Variants in GRIN2B observed in about 807,000 individuals in gnomAD.
GRIN2B encodes the protein glutamate receptor ionotropic, NMDA 2B.
Under a neutral mutation model 114.5 loss-of-function variants are expected in GRIN2B, and 5 were observed. The observed-to-expected ratio is 0.04, with a 90% CI of 0.02 to 0.09. The LOEUF (loss-of-function observed/expected upper bound fraction) is 0.09, where lower values mean the gene tolerates loss of function less well. Ranked by LOEUF, GRIN2B falls within the 10% of genes least tolerant of loss-of-function variation. GRIN2B has a pLI of 1.00. For missense variants in GRIN2B, 1,108 were observed against 1,943.5 expected (o/e 0.57, Z 8.08); for synonymous variants, 787 against 745.1 (o/e 1.06, Z -0.92).
chr12:13,867,910 G>A lies in GRIN2B; in HGVS notation c.-18-1684C>T, dbSNP rs1250282064. 4.1e-5 allele frequency among the ~76,000 whole-genome samples: 6 copies of A among 147,552 alleles called. No individual in the cohort carries two copies. In the South Asian group the frequency reaches 1.3e-3, roughly 32 times the overall value. On this transcript the variant is annotated intron_variant, in intron 2 of 13. Transcript: ENST00000609686. Reference sequence around the variant, plus strand: ...TGCTTGTTTCAAAAAAAAAAAAAATGGTGAGAGATTAAAAATCTAAAAGTG... The same window carrying A: ...TGCTTGTTTCAAAAAAAAAAAAAATAGTGAGAGATTAAAAATCTAAAAGTG...
intron 4 of GRIN2B, among the ~76,000 whole-genome samples, chr12:13,723,220 A>G (rs1285450162): frequency 6.6e-6 from 1 of 151,934 alleles, no homozygotes; most frequent in Admixed American, 6.6e-5. Context: ...TACACGTGCC[A>G]TGGTGGTTTG....
intron 3 of GRIN2B, among the ~76,000 whole-genome samples, chr12:13,767,173 T>A (rs574420749): frequency 2.3e-3 from 331 of 145,778 alleles, no homozygotes; most frequent in African/African-American, 7.9e-3. Flanking sequence ...GGCAGGAGAA[T>A]GGCGTGAGGC....
rs75707831 is a variant in GRIN2B, at chr12:13,839,506, T to C, written c.411+26292A>G. On this transcript the variant is annotated intron_variant, in intron 3 of 13. Coordinates refer to ENST00000609686, the MANE Select transcript of GRIN2B (RefSeq NM_000834.5). ...CCAGAATATGAACAATACCTAATGATTGTGCAGTGCTTATAGCTCAACGAA... is the reference window on the plus strand; with the variant it reads ...CCAGAATATGAACAATACCTAATGACTGTGCAGTGCTTATAGCTCAACGAA... 7.7e-3 allele frequency among the ~76,000 whole-genome samples: 1,180 copies of C among 152,332 alleles called. 39 individuals are homozygous for C. The East Asian group carries it at 0.096, about 12-fold the overall frequency.
At chr12:13,890,538 C>CTGGT (rs1866240935) in intron 2 of GRIN2B, among the ~76,000 whole-genome samples, 1 of 152,120 alleles carries the variant, frequency 6.6e-6, no homozygotes, top group Admixed American at 6.5e-5. Context: ...TGGCAGCAAT[C>CTGGT]TGGTTGGAGA....
At chr12:13,797,308 A>G (rs1459730931) in intron 3 of GRIN2B, among the ~76,000 whole-genome samples, 2 of 152,116 alleles carry the variant, frequency 1.3e-5, no homozygotes, top group Non-Finnish European at 2.9e-5. Context: ...ATCACCTCCC[A>G]AATTCCCCAC....
chr12:13,864,333 G>A (rs1865791492), intron 3 of GRIN2B, among the ~76,000 whole-genome samples: 1 of 152,148 alleles, frequency 6.6e-6, no homozygotes, highest in Non-Finnish European at 1.5e-5. Context: ...CACTGCGGAG[G>A]TTGTCAACTA....
chr12:13,675,739 T>G lies in GRIN2B; in HGVS notation c.1125+6A>C, dbSNP rs1565496490. ...TTGCTCAAGAATTGTCAAAGACATG[T>G]CTTACCCTTTCCCACTTCCTCTCCT... On this transcript the variant is annotated splice_donor_region_variant and intron_variant, in intron 5 of 13. Coordinates refer to ENST00000609686, the MANE Select transcript of GRIN2B (RefSeq NM_000834.5). 6.5e-7 allele frequency: 1 copy of G among 1,531,120 alleles called. No homozygotes were observed. Among genetic ancestry groups the G allele is most frequent in the South Asian group, 1.1e-5 (1 of 89,402 alleles). 94.8% of individuals were successfully genotyped at this position (1,531,120 alleles called of 1,614,324 possible). A position where few individuals can be genotyped will look rare whatever the true frequency, so the allele number is the denominator to read the frequency against.
At chr12:13,826,613 A>G (rs995585233) in intron 3 of GRIN2B, among the ~76,000 whole-genome samples, 2 of 151,892 alleles carry the variant, frequency 1.3e-5, no homozygotes, top group African/African-American at 4.8e-5. Context: ...CAGCAGTTTT[A>G]TTTATAATGT....
intron 2 of GRIN2B, among the ~76,000 whole-genome samples, chr12:13,934,197 A>T (rs1309617468): frequency 2.6e-5 from 4 of 152,182 alleles, no homozygotes; most frequent in Non-Finnish European, 5.9e-5. Flanking sequence ...ACTCCTTGAC[A>T]ACCCATGCCT....
At chr12:13,887,420 AAAGTTTT>A (rs1866182237) in intron 2 of GRIN2B, among the ~76,000 whole-genome samples, 1 of 152,204 alleles carries the variant, frequency 6.6e-6, no homozygotes, top group South Asian at 2.1e-4. Context: ...ACAGGAAAAA[AAAGTTTT>A]CTCTATCCTC....
intron 2 of GRIN2B, among the ~76,000 whole-genome samples, chr12:13,949,128 G>A (rs1362950441): frequency 6.6e-6 from 1 of 152,148 alleles, no homozygotes; most frequent in Non-Finnish European, 1.5e-5. Context: ...AACCCTAAGA[G>A]TGCCCAGAGA....
In GRIN2B at chr12:13,855,049, GAAAAA is replaced by G. The variant is rs3082840; in HGVS notation, c.411+10744_411+10748del. 1.0e-3 allele frequency among the ~76,000 whole-genome samples: 90 copies of G among 88,010 alleles called. 1 individual carries two copies. Among genetic ancestry groups the G allele is most frequent in the Admixed American group, 2.0e-3 (16 of 8,018 alleles). The allele number at this position is 88,010 out of a possible 152,430, so 57.7% of individuals were successfully genotyped here. A position where few individuals can be genotyped will look rare whatever the true frequency, so the allele number is the denominator to read the frequency against. On this transcript the variant is annotated intron_variant, in intron 3 of 13. Transcript: ENST00000609686. ...AACATGGTGAAACCCCATCTCTACT[GAAAAA>G]AAAAAAAAAAAAAAATTGCCTGGCG... is the stretch of plus-strand genomic sequence containing the variant.
intron 2 of GRIN2B, among the ~76,000 whole-genome samples, chr12:13,923,387 A>G (rs552756773): frequency 6.6e-6 from 1 of 152,346 alleles, no homozygotes; most frequent in East Asian, 1.9e-4. Context: ...TAACCTTAGA[A>G]CTAAGGTGAA....
chr12:13,813,021 C>T (rs963628628), intron 3 of GRIN2B, among the ~76,000 whole-genome samples: 2 of 147,024 alleles, frequency 1.4e-5, no homozygotes, highest in African/African-American at 5.1e-5. Flanking sequence ...CTCACTACAA[C>T]CTCCGCCTCC....
intron 4 of GRIN2B, among the ~76,000 whole-genome samples, chr12:13,707,620 A>G (rs1016038216): frequency 6.6e-6 from 1 of 152,128 alleles, no homozygotes; most frequent in Non-Finnish European, 1.5e-5. Context: ...TTGAACACTT[A>G]TCAGATCTCT....
At chr12:13,605,075 T>TG (rs1949219845) in intron 10 of GRIN2B, among the ~76,000 whole-genome samples, 1 of 152,096 alleles carries the variant, frequency 6.6e-6, no homozygotes, top group Non-Finnish European at 1.5e-5. Context: ...CAGACTCTTT[T>TG]TTTTTTTTGT....
intron 10 of GRIN2B, among the ~76,000 whole-genome samples, chr12:13,598,076 G>A (rs565941084): frequency 6.6e-6 from 1 of 152,174 alleles, no homozygotes; most frequent in African/African-American, 2.4e-5. Flanking sequence ...TGCAGAGGCA[G>A]GAAAGCACTT....
chr12:13,633,523 T>G (rs768184561), intron 5 of GRIN2B, among the ~76,000 whole-genome samples: 3 of 152,154 alleles, frequency 2.0e-5, no homozygotes, highest in Non-Finnish European at 2.9e-5. Context: ...GGATGCAGGG[T>G]AAAACTCATC....
At chr12:13,805,194 A>G (rs1253517902) in intron 3 of GRIN2B, among the ~76,000 whole-genome samples, 1 of 152,120 alleles carries the variant, frequency 6.6e-6, no homozygotes, top group Non-Finnish European at 1.5e-5. Context: ...CTATTTTACA[A>G]TTAAGAAACC....
Sources: gnomAD v4.1 joint callset for allele counts (sites outside exome capture counted in the v4.1 genomes callset) on GRCh38, gnomAD v4.1.1 for gene constraint, MANE v1.5 for transcripts, NCBI Gene and HGNC (gene_info 2026-07-23, HGNC 2026-07-21) for gene names.